Variants in ARSG observed in about 807,000 individuals in gnomAD.
ARSG encodes the protein arylsulfatase G.
Under a neutral mutation model 50.5 loss-of-function variants are expected in ARSG, and 37 were observed. The observed-to-expected ratio is 0.73, with a 90% confidence interval of 0.56 to 0.96. ARSG has a LOEUF of 0.96. Ranked by LOEUF, ARSG falls within the 50% of genes least tolerant of loss-of-function variation. ARSG has a pLI of 0.00. For missense variants in ARSG, 629 were observed against 675.3 expected (o/e 0.93, Z 0.76); for synonymous variants, 225 against 254.6 (o/e 0.88, Z 1.11).
chr17:68,360,080 C>T (rs778933570), intron 6 of ARSG, among the ~76,000 whole-genome samples: 5 of 152,156 alleles, frequency 3.3e-5, no homozygotes, highest in Non-Finnish European at 7.3e-5. Context: ...TTTAATGCCC[C>T]CTCCGAAGTG....
At chr17:68,287,941 TTC>T (rs1240256594), upstream of ARSG, among the ~76,000 whole-genome samples, 4 of 151,230 alleles carry the variant, frequency 2.6e-5, no homozygotes, top group East Asian at 1.9e-4. Flanking sequence ...TCTTCTTCTC[TTC>T]TCTCTCTCTT....
chr17:68,389,365 C>A (rs1041559372), intron 9 of ARSG, among the ~76,000 whole-genome samples: 2 of 152,138 alleles, frequency 1.3e-5, no homozygotes, highest in African/African-American at 4.8e-5. Flanking sequence ...ATGCTGGCTT[C>A]TAAGAGGGAC....
chr17:68,371,929 T>C lies in ARSG; in HGVS notation c.982+1405T>C, dbSNP rs79946936. Among the ~76,000 whole-genome samples the C allele has an allele frequency of 8.4e-3, 1,282 of 152,302 alleles. 20 individuals carry two copies. The highest frequency in any genetic ancestry group is 0.029 in the African/African-American group (1,224 of 41,554). ...TTTATTATATAAAAATAATCACATG[T>C]AGACTCAAAAAAATCTTGAAAGAGT... On this transcript the variant is annotated intron_variant, in intron 8 of 11. Transcript: ENST00000621439.
At chr17:68,353,451 A>G (rs1474858340) in intron 5 of ARSG, among the ~76,000 whole-genome samples, 3 of 152,140 alleles carry the variant, frequency 2.0e-5, no homozygotes, top group African/African-American at 7.2e-5. Context: ...AGACTTATGC[A>G]TGCAGTGAGC....
intron 1 of ARSG, among the ~76,000 whole-genome samples, chr17:68,302,378 T>C (rs1180038621): frequency 7.9e-5 from 12 of 152,098 alleles, no homozygotes; most frequent in African/African-American, 1.9e-4. Context: ...GCCAGAAAGG[T>C]CTGCCCGACC....
At chr17:68,387,069 A>G (rs906069749) in intron 9 of ARSG, among the ~76,000 whole-genome samples, 5 of 139,564 alleles carry the variant, frequency 3.6e-5, no homozygotes, top group African/African-American at 8.1e-5. Flanking sequence ...CCAACCTAAT[A>G]TATAGTGTAT....
chr17:68,264,992 A>G (rs1438636941), intron 1 of ARSG, among the ~76,000 whole-genome samples: 1 of 150,964 alleles, frequency 6.6e-6, no homozygotes, highest in African/African-American at 2.4e-5. Flanking sequence ...TGTCTCTACT[A>G]AAAATACAAA....
chr17:68,387,551 C>T (rs1028976916), intron 9 of ARSG, among the ~76,000 whole-genome samples: 5 of 152,224 alleles, frequency 3.3e-5, no homozygotes, highest in African/African-American at 1.2e-4. Flanking sequence ...GAGTTTCCTA[C>T]TGCCTGGACA....
chr17:68,297,746 C>T (rs561653250), intron 1 of ARSG, among the ~76,000 whole-genome samples: 24 of 152,126 alleles, frequency 1.6e-4, no homozygotes, highest in Admixed American at 2.0e-4. Context: ...GGATTACAGG[C>T]GTGAGCCGCT....
At chr17:68,450,254 C>T in the ARSG span, among the ~76,000 whole-genome samples, 2 of 152,296 alleles carry the variant, frequency 1.3e-5, no homozygotes, top group African/African-American at 4.8e-5. Flanking sequence ...GAGCTGAGGA[C>T]GTGGTGGGAG....
rs9904340 is a variant in ARSG, at chr17:68,345,818, A to G, written c.407-1307A>G. ...CTTTTCATAATTTTAATATAATGTC[A>G]TGTTCTCATGTAATGTTTAATCCAA... On this transcript the variant is annotated intron_variant, in intron 3 of 11. Transcript: ENST00000621439. 3.1e-3 allele frequency among the ~76,000 whole-genome samples: 471 copies of G among 152,284 alleles called. 4 individuals carry two copies. The highest frequency in any genetic ancestry group is 0.01 in the Middle Eastern group (3 of 294).
intron 1 of ARSG, among the ~76,000 whole-genome samples, chr17:68,298,183 A>G (rs2076277278): frequency 6.6e-6 from 1 of 152,136 alleles, no homozygotes; most frequent in Admixed American, 6.6e-5. Context: ...TAACTGCTTC[A>G]CTAAATTGTT....
At chr17:68,274,921 C>T (rs959055496) in intron 1 of ARSG, among the ~76,000 whole-genome samples, 40 of 152,082 alleles carry the variant, frequency 2.6e-4, no homozygotes, top group Admixed American at 2.3e-3. Context: ...GCTGGGATTA[C>T]AGGCATGTGC....
rs1438248997 is a variant in ARSG, at chr17:68,367,799, A to AGT, written c.705-747_705-746dup. On this transcript the variant is annotated intron_variant, in intron 6 of 11. Coordinates refer to ENST00000621439, the MANE Select transcript of ARSG (RefSeq NM_001267727.2). The surrounding 1 kb of genome is among the most constrained non-coding windows in gnomAD (Gnocchi z 4.5). Reference sequence around the variant, plus strand: ...GAAAGGAACAAGGCTGGCCAGGCACAGTGGCTCACGCCTGTAATCCCAGCA... The same window carrying AGT: ...GAAAGGAACAAGGCTGGCCAGGCACAGTGTGGCTCACGCCTGTAATCCCAGCA... Among the ~76,000 whole-genome samples the AGT allele has an allele frequency of 6.6e-6, 1 of 152,202 alleles. No individual in the cohort carries two copies. The highest frequency in any genetic ancestry group is 2.4e-5 in the African/African-American group (1 of 41,448).
intron 8 of ARSG, 27 bp downstream of exon 8, chr17:68,370,551 A>G: frequency 6.2e-7 from 1 of 1,606,636 alleles, no homozygotes; most frequent in East Asian, 2.2e-5. Context: ...GGGTTGGTGG[A>G]TCCCATTGCA....
chr17:68,294,365 G>A (rs1214558761), intron 1 of ARSG, among the ~76,000 whole-genome samples: 5 of 152,174 alleles, frequency 3.3e-5, no homozygotes, highest in African/African-American at 1.2e-4. Flanking sequence ...CTCTGTCCAC[G>A]TTTATAGTCC....
the ARSG span, chr17:68,450,931 T>A: frequency 6.3e-7 from 1 of 1,596,946 alleles, no homozygotes; most frequent in Middle Eastern, 2.0e-4. Flanking sequence ...GTTACATGGA[T>A]TGATCACTTC....
At chr17:68,325,283 T>C (rs1555771985) in intron 2 of ARSG, among the ~76,000 whole-genome samples, 1 of 151,978 alleles carries the variant, frequency 6.6e-6, no homozygotes, top group African/African-American at 2.4e-5. Context: ...ATGTTCCTTA[T>C]AAGAATCTAA....
At position 68,381,757 on chromosome 17, in the gene ARSG, G is replaced by T. The variant is rs1385904239; in HGVS notation, c.983-3307G>T. Among the ~76,000 whole-genome samples the T allele has an allele frequency of 6.6e-6, 1 of 152,164 alleles. No individual in the cohort carries two copies. On this transcript the variant is annotated intron_variant, in intron 8 of 11. Coordinates refer to ENST00000621439, the MANE Select transcript of ARSG (RefSeq NM_001267727.2). The surrounding 1 kb of genome is among the most constrained non-coding windows in gnomAD (Gnocchi z 4.1). ...CTAAATCCCCAGGAGGGTTTTAGAAGATATTGATGTCAGAGCTTCACTGCA... is the reference window on the plus strand; with the variant it reads ...CTAAATCCCCAGGAGGGTTTTAGAATATATTGATGTCAGAGCTTCACTGCA...
Sources: gnomAD v4.1 joint callset for allele counts (sites outside exome capture counted in the v4.1 genomes callset) on GRCh38, gnomAD v4.1.1 for gene constraint, Gnocchi (gnomAD v3.1) non-coding constraint, MANE v1.5 for transcripts, NCBI Gene and HGNC (gene_info 2026-07-23, HGNC 2026-07-21) for gene names.